Variants in SPAG17 observed in about 807,000 individuals in gnomAD.
The protein encoded by SPAG17 is sperm associated antigen 17.
A neutral mutation model predicts 273.6 loss-of-function variants in SPAG17; 169 were observed. The observed-to-expected ratio is 0.62, with a 90% CI of 0.55 to 0.70. SPAG17 has a LOEUF of 0.70. Among genes scored for constraint, SPAG17 ranks in the 30% least tolerant of loss-of-function variants. The probability of loss-of-function intolerance (pLI) is 0.00; values close to 1 mark genes in which losing one functional copy is unlikely to be tolerated. For synonymous variants in SPAG17, 825 were observed against 873.2 expected, an observed-to-expected ratio of 0.94 and a Z score of 0.97; for missense variants, 2,557 against 2,627.8, an observed-to-expected ratio of 0.97 and a Z score of 0.59.
chr1:118,117,720 G>T (rs535090343), intron 3 of SPAG17, among the ~76,000 whole-genome samples: 1 of 152,190 alleles, frequency 6.6e-6, no homozygotes, highest in African/African-American at 2.4e-5. Context: ...GGCCCACATG[G>T]AGGCAGACTT....
intron 18 of SPAG17, among the ~76,000 whole-genome samples, chr1:118,061,614 C>T (rs1390965444): frequency 6.6e-6 from 1 of 152,082 alleles, no homozygotes; most frequent in Non-Finnish European, 1.5e-5. Flanking sequence ...AAGAAGGGAT[C>T]ACGTGTTCAA....
intron 23 of SPAG17, among the ~76,000 whole-genome samples, chr1:118,038,172 A>G (rs1471043745): frequency 6.6e-6 from 1 of 152,246 alleles, no homozygotes; most frequent in Admixed American, 6.5e-5. Flanking sequence ...GCAAATAAGC[A>G]TATGAAAAGA....
chr1:118,041,927 T>C lies in SPAG17; in HGVS notation c.2930A>G (p.Lys977Arg). Residue 977 changes from lysine (K) to arginine (R), a missense_variant, in exon 21 of 49, where the codon AAA becomes AGA. Physicochemically the swap from Lys to Arg is conservative, Grantham distance 26. Coordinates refer to ENST00000336338, the MANE Select transcript of SPAG17 (RefSeq NM_206996.4). Reference protein sequence around the residue: ...GKKKGKDNAEKEDSRSLKKKS... With the variant: ...GKKKGKDNAEREDSRSLKKKS... ...TTTCTTCAAAGACCTACTATCCTCT[T>C]TCTCTGCGTTATCCTTGCCTTTCTT... 6.2e-7 allele frequency: 1 copy of C among 1,614,030 alleles called. No individual in the cohort carries two copies. Among genetic ancestry groups the C allele is most frequent in the Non-Finnish European group, 8.5e-7 (1 of 1,179,950 alleles).
At chr1:117,955,226 G>A in intron 48 of SPAG17, 1 of 1,077,770 alleles carries the variant, frequency 9.3e-7, no homozygotes. Context: ...AAGAAGGAGG[G>A]GTTCCTGTTT....
chr1:118,009,014 T>G (rs1313624674), intron 30 of SPAG17, among the ~76,000 whole-genome samples: 2 of 152,264 alleles, frequency 1.3e-5, no homozygotes, highest in Non-Finnish European at 2.9e-5. Flanking sequence ...CTTGTGCAAA[T>G]GTGTATGAGT....
At chr1:118,077,048 C>G (rs1045174585) in intron 15 of SPAG17, among the ~76,000 whole-genome samples, 2 of 152,120 alleles carry the variant, frequency 1.3e-5, no homozygotes, top group Non-Finnish European at 2.9e-5. Context: ...AAGAAAAGCA[C>G]AAATATTCAG....
chr1:118,110,815 A>G (rs1656713313), intron 4 of SPAG17, among the ~76,000 whole-genome samples: 1 of 152,220 alleles, frequency 6.6e-6, no homozygotes, highest in Non-Finnish European at 1.5e-5. Flanking sequence ...ATTGTGAGCC[A>G]AGAGTGCCAT....
intron 1 of SPAG17, among the ~76,000 whole-genome samples, chr1:118,170,308 T>G (rs1331122121): frequency 6.6e-6 from 1 of 152,170 alleles, no homozygotes; most frequent in Non-Finnish European, 1.5e-5. Flanking sequence ...CTAAAAAACA[T>G]GAAATACATA....
At chr1:118,117,253 A>C (rs886437792) in intron 3 of SPAG17, among the ~76,000 whole-genome samples, 3 of 152,086 alleles carry the variant, frequency 2.0e-5, no homozygotes, top group Non-Finnish European at 4.4e-5. Context: ...GTTACCCCAG[A>C]GTGGTTGTGG....
chr1:118,090,671 G>A (rs187164500), intron 10 of SPAG17, among the ~76,000 whole-genome samples: 2 of 152,156 alleles, frequency 1.3e-5, no homozygotes, highest in East Asian at 1.9e-4. Context: ...TTGGCTTGGG[G>A]CCACGAGTTA....
intron 4 of SPAG17, among the ~76,000 whole-genome samples, chr1:118,112,891 T>C (rs981156258): frequency 4.6e-5 from 7 of 152,154 alleles, no homozygotes; most frequent in African/African-American, 1.7e-4. Context: ...AATAATGATA[T>C]TTCTTCACTG....
chr1:118,006,004 A>G (rs1212789811), intron 31 of SPAG17, among the ~76,000 whole-genome samples: 1 of 152,184 alleles, frequency 6.6e-6, no homozygotes. Context: ...AAACTGTGCG[A>G]TAAGTGCTCT....
chr1:118,143,761 G>C (rs567351883), intron 3 of SPAG17, among the ~76,000 whole-genome samples: 42 of 152,260 alleles, frequency 2.8e-4, no homozygotes, highest in African/African-American at 8.9e-4. Flanking sequence ...AGAGTATAGG[G>C]TGTTAAGAGG....
At chr1:117,973,378 T>A in intron 44 of SPAG17, 47 bp downstream of exon 44, 2 of 1,590,410 alleles carry the variant, frequency 1.3e-6, no homozygotes, top group Non-Finnish European at 1.7e-6. Flanking sequence ...AAGAATTCCA[T>A]CAAATGCTGA....
At chr1:118,181,400 A>G (rs926649898) in intron 1 of SPAG17, among the ~76,000 whole-genome samples, 1 of 152,170 alleles carries the variant, frequency 6.6e-6, no homozygotes, top group Non-Finnish European at 1.5e-5. Flanking sequence ...CTGTGTGCAG[A>G]GATTCACTTT....
chr1:117,992,322 C>T, intron 36 of SPAG17, 144 bp downstream of exon 36: 1 of 701,770 alleles, frequency 1.4e-6, no homozygotes, highest in South Asian at 2.6e-5. Flanking sequence ...TACCTCTCAA[C>T]CCTCTACTCT....
intron 24 of SPAG17, among the ~76,000 whole-genome samples, chr1:118,033,138 G>A (rs71670817): frequency 1.7e-3 from 255 of 152,082 alleles, no homozygotes; most frequent in Middle Eastern, 3.4e-3. Flanking sequence ...TCACCATTGG[G>A]GCTCCAATTG....
chr1:118,167,467 T>TA (rs1660226397), intron 1 of SPAG17, among the ~76,000 whole-genome samples: 1 of 152,190 alleles, frequency 6.6e-6, no homozygotes, highest in Non-Finnish European at 1.5e-5. Context: ...TTATGATACT[T>TA]AAAGAAACAT....
chr1:118,109,822 A>G (rs1656651900), intron 4 of SPAG17, among the ~76,000 whole-genome samples: 1 of 152,120 alleles, frequency 6.6e-6, no homozygotes, highest in Non-Finnish European at 1.5e-5. Flanking sequence ...TAGGCTAAAC[A>G]AAGGTATAAG....
Sources: gnomAD v4.1 joint callset for allele counts (sites outside exome capture counted in the v4.1 genomes callset) on GRCh38, gnomAD v4.1.1 for gene constraint, MANE v1.5 for transcripts, NCBI Gene and HGNC (gene_info 2026-07-23, HGNC 2026-07-21) for gene names.